The following PDCD10 variants were observed in gnomAD, a reference collection of about 807,000 sequenced individuals.
PDCD10 encodes the protein programmed cell death protein 10.
In PDCD10, 4 loss-of-function variants were observed where a neutral mutation model predicts 29.2. The observed-to-expected ratio is 0.14, with a 90% CI of 0.07 to 0.31. PDCD10 has a LOEUF of 0.31. Ranked by LOEUF, PDCD10 falls within the 10% of genes least tolerant of loss-of-function variation. The pLI is 1.00. For missense variants in PDCD10, 183 were observed against 257.9 expected, an observed-to-expected ratio of 0.71 and a Z score of 1.99; for synonymous variants, 70 against 82.2, an observed-to-expected ratio of 0.85 and a Z score of 0.80.
rs191679496 is a variant in PDCD10 at position 167,707,840 on chromosome 3, T to C, written c.97-2945A>G. 2.0e-5 allele frequency among the ~76,000 whole-genome samples: 3 copies of C among 152,298 alleles called. No homozygotes were observed. The East Asian group carries it at 5.8e-4, about 29-fold the overall frequency. On this transcript the variant is annotated intron_variant, in intron 3 of 8. Coordinates refer to ENST00000392750, the MANE Select transcript of PDCD10 (RefSeq NM_007217.4). ...ATACTGCGACAGTGAGAAGCACTGC[T>C]TGGGCCTCAGTTACACAGTATGTCC...
At chr3:167,722,687 T>TG (rs1182072865) in intron 2 of PDCD10, among the ~76,000 whole-genome samples, 2 of 152,032 alleles carry the variant, frequency 1.3e-5, no homozygotes, top group Non-Finnish European at 2.9e-5. Context: ...GTAAGCACAA[T>TG]GGAATTACTC....
chr3:167,684,479 T>C, intron 8 of PDCD10, 90 bp from the exon 9 acceptor site: 1 of 729,288 alleles, frequency 1.4e-6, no homozygotes, highest in South Asian at 1.5e-5. Context: ...ATGGAATCAA[T>C]TTTAGAAAAA....
At chr3:167,713,467 A>G (rs1425070166) in intron 3 of PDCD10, among the ~76,000 whole-genome samples, 3 of 151,918 alleles carry the variant, frequency 2.0e-5, no homozygotes, top group Admixed American at 6.6e-5. Flanking sequence ...AAGTGCCTAC[A>G]TCAAAAGAGA....
In PDCD10 at chr3:167,720,192, A is replaced by C; in HGVS notation, c.-35T>G. On this transcript the variant is annotated 5_prime_UTR_variant, in exon 3 of 9. Coordinates refer to ENST00000392750, the MANE Select transcript of PDCD10 (RefSeq NM_007217.4). ...AACTACAGTTGAAAAAGCAGTGCTAAAATGCAGAGGAATCTTCATTCACTG... is the reference window on the plus strand; with the variant it reads ...AACTACAGTTGAAAAAGCAGTGCTACAATGCAGAGGAATCTTCATTCACTG... 1 of 1,371,390 alleles carries C rather than the reference A, an allele frequency of 7.3e-7. No homozygotes were observed. Among genetic ancestry groups the C allele is most frequent in the East Asian group, 2.3e-5 (1 of 43,764 alleles). 85.0% of individuals were successfully genotyped at this position (1,371,390 alleles called of 1,614,324 possible).
Position 167,719,997 on chromosome 3 carries a change from C to T in PDCD10, c.96+65G>A, listed in dbSNP as rs139853516. The T allele has an allele frequency of 1.6e-4, 163 of 1,027,278 alleles. 1 individual carries two copies. The East Asian group carries it at 2.0e-3, about 12-fold the overall frequency. 63.6% of individuals were successfully genotyped at this position (1,027,278 alleles called of 1,614,324 possible). ...TTTGTTATACAAAAGAACAAGCAGA[C>T]GAATAAATAAAGCAGGAATTAAAGA... On this transcript the variant is annotated intron_variant, in intron 3 of 8. Transcript: ENST00000392750.
intron 3 of PDCD10, among the ~76,000 whole-genome samples, chr3:167,717,009 G>T (rs114402613): frequency 1.3e-5 from 2 of 151,912 alleles, no homozygotes; most frequent in African/African-American, 4.8e-5. Flanking sequence ...GATATGACAT[G>T]AAATTAGGTT....
intron 2 of PDCD10, among the ~76,000 whole-genome samples, chr3:167,730,090 T>A (rs1431958686): frequency 6.6e-6 from 1 of 152,152 alleles, no homozygotes; most frequent in Non-Finnish European, 1.5e-5. Flanking sequence ...GTAGCTTAAA[T>A]GACAAAATTG....
intron 6 of PDCD10, among the ~76,000 whole-genome samples, chr3:167,689,471 T>C (rs933591519): frequency 6.6e-6 from 1 of 152,194 alleles, no homozygotes; most frequent in African/African-American, 2.4e-5. Flanking sequence ...AAAATGTGTT[T>C]CCGGGGCTAG....
intron 6 of PDCD10, 71 bp downstream of exon 6, chr3:167,695,524 TA>T: frequency 7.2e-7 from 1 of 1,396,096 alleles, no homozygotes. Flanking sequence ...ATACCAAAAT[TA>T]AAAAATGTAG....
chr3:167,693,097 T>C (rs1324114718), intron 6 of PDCD10, among the ~76,000 whole-genome samples: 1 of 152,236 alleles, frequency 6.6e-6, no homozygotes, highest in Non-Finnish European at 1.5e-5. Flanking sequence ...TTATTTTCTA[T>C]GGGACATATT....
intron 3 of PDCD10, among the ~76,000 whole-genome samples, chr3:167,708,028 C>A (rs910361605): frequency 2.0e-5 from 3 of 152,130 alleles, no homozygotes; most frequent in African/African-American, 7.2e-5. Context: ...TTACCTCAAC[C>A]CCCATTCTGC....
chr3:167,699,145 C>T (rs1721109059), intron 4 of PDCD10, among the ~76,000 whole-genome samples: 1 of 152,184 alleles, frequency 6.6e-6, no homozygotes, highest in African/African-American at 2.4e-5. Flanking sequence ...CATAATTTCT[C>T]AAACATTGGT....
intron 3 of PDCD10, among the ~76,000 whole-genome samples, chr3:167,711,809 C>T (rs1722548867): frequency 6.6e-6 from 1 of 151,982 alleles, no homozygotes; most frequent in African/African-American, 2.4e-5. Flanking sequence ...CTCCAATTTG[C>T]CTAGCAGAAG....
rs569263991 is a variant in PDCD10 at position 167,687,251 on chromosome 3, C to T, written c.540G>A (p.Thr180=). ...YSKSFSDTLK[T]YFKDGKAINV... ...GTACTTACTTGCCATCTTTAAAATA[C>T]GTTTTCAGAGTATCACTGAAACTTT... The change falls in exon 8 of 9, where the codon ACG becomes ACA. Residue 180 remains threonine, a synonymous_variant. Transcript: ENST00000392750. 1.7e-5 allele frequency: 26 copies of T among 1,549,368 alleles called. No individual in the cohort carries two copies. In the East Asian group the frequency reaches 2.5e-4, roughly 15 times the overall value.
chr3:167,732,814 T>C (rs1225594504), intron 2 of PDCD10, among the ~76,000 whole-genome samples: 1 of 152,206 alleles, frequency 6.6e-6, no homozygotes, highest in Non-Finnish European at 1.5e-5. Context: ...AGAAAACAGA[T>C]TAATATTCTT....
At chr3:167,688,820 T>A (rs1719923701) in intron 6 of PDCD10, among the ~76,000 whole-genome samples, 1 of 152,192 alleles carries the variant, frequency 6.6e-6, no homozygotes, top group African/African-American at 2.4e-5. Flanking sequence ...TTATTTCCTA[T>A]CTAAAACATT....
At chr3:167,713,539 T>C (rs1350671390) in intron 3 of PDCD10, among the ~76,000 whole-genome samples, 4 of 151,246 alleles carry the variant, frequency 2.6e-5, no homozygotes, top group Non-Finnish European at 5.9e-5. Flanking sequence ...AACCCAAAAT[T>C]AGTAGAGGAA....
At chr3:167,703,857 C>A (rs1218614592) in intron 4 of PDCD10, among the ~76,000 whole-genome samples, 2 of 152,064 alleles carry the variant, frequency 1.3e-5, no homozygotes, top group Non-Finnish European at 2.9e-5. Flanking sequence ...TTTAATAGTA[C>A]ATCCAAAATA....
intron 2 of PDCD10, among the ~76,000 whole-genome samples, chr3:167,723,680 G>A (rs1723808659): frequency 6.6e-6 from 1 of 152,202 alleles, no homozygotes; most frequent in South Asian, 2.1e-4. Context: ...CAAATGTGCT[G>A]CTTTGCAGGG....
Sources: allele counts gnomAD v4.1 joint callset (sites outside exome capture counted in the v4.1 genomes callset), GRCh38; gene constraint gnomAD v4.1.1; transcripts MANE v1.5; gene names NCBI Gene and HGNC (gene_info 2026-07-23, HGNC 2026-07-21).